VKORC1L1: variants seen among roughly 807,000 people sequenced by gnomAD.
VKORC1L1 encodes the protein vitamin K epoxide reductase complex subunit 1L1.
Under a neutral mutation model 18.9 loss-of-function variants are expected in VKORC1L1, and 2 were observed. The observed-to-expected ratio is 0.11, with a 90% CI of 0.04 to 0.33. The LOEUF (loss-of-function observed/expected upper bound fraction) is 0.33. Among genes scored for constraint, VKORC1L1 ranks in the 10% least tolerant of loss-of-function variants. The pLI, the probability that VKORC1L1 is intolerant of heterozygous loss-of-function variation, is 1.00. For missense variants in VKORC1L1, 123 were observed against 224.1 expected (o/e 0.55, Z 2.88); for synonymous variants, 96 against 100.0 (o/e 0.96, Z 0.24).
Position 65,954,491 on chromosome 7 carries a change from A to G in VKORC1L1, c.*191A>G. The G allele has an allele frequency of 1.2e-5, 12 of 985,792 alleles. No individual in the cohort carries two copies. Among genetic ancestry groups the G allele is most frequent in the Non-Finnish European group, 1.4e-5 (10 of 714,874 alleles). 61.1% of individuals were successfully genotyped at this position (985,792 alleles called of 1,614,324 possible). A position where few individuals can be genotyped will look rare whatever the true frequency, so the allele number is the denominator to read the frequency against. Reference sequence around the variant, plus strand: ...TTTTCTGTGTCAGTCTTCATTTTAAATATGGATACAAAAAGGATACGCCGA... The same window carrying G: ...TTTTCTGTGTCAGTCTTCATTTTAAGTATGGATACAAAAAGGATACGCCGA... On this transcript the variant is annotated 3_prime_UTR_variant, in exon 3 of 3. Coordinates refer to ENST00000360768, the MANE Select transcript of VKORC1L1 (RefSeq NM_173517.6).
At chr7:65,896,866 G>A (rs1789222702) in intron 1 of VKORC1L1, among the ~76,000 whole-genome samples, 1 of 152,054 alleles carries the variant, frequency 6.6e-6, no homozygotes, top group African/African-American at 2.4e-5. Flanking sequence ...AGGTGTAGTG[G>A]CACATGCCTG....
intron 1 of VKORC1L1, among the ~76,000 whole-genome samples, chr7:65,876,758 CT>C (rs1166586771): frequency 6.6e-6 from 1 of 152,106 alleles, no homozygotes; most frequent in Non-Finnish European, 1.5e-5. Context: ...TTAACACCTA[CT>C]TAGGGCCTGG....
intron 1 of VKORC1L1, among the ~76,000 whole-genome samples, chr7:65,902,892 G>A (rs978362112): frequency 5.9e-5 from 9 of 151,936 alleles, no homozygotes; most frequent in Admixed American, 5.2e-4. Flanking sequence ...TTGAGATGGA[G>A]TTTTGCTCTT....
chr7:65,897,783 T>C (rs952106099), intron 1 of VKORC1L1, among the ~76,000 whole-genome samples: 1 of 152,020 alleles, frequency 6.6e-6, no homozygotes, highest in African/African-American at 2.4e-5. Context: ...TGTACTGTTC[T>C]GAATGTATGC....
intron 1 of VKORC1L1, among the ~76,000 whole-genome samples, chr7:65,923,629 C>G (rs190066703): frequency 6.6e-6 from 1 of 152,142 alleles, no homozygotes; most frequent in East Asian, 1.9e-4. Context: ...AAACTCCTGA[C>G]AGCAAAAATG....
At chr7:65,895,478 AAAATATATATATATATATATAT>A (rs1484413514) in intron 1 of VKORC1L1, among the ~76,000 whole-genome samples, 31 of 35,046 alleles carry the variant, frequency 8.8e-4, no homozygotes, top group African/African-American at 4.6e-3. Flanking sequence ...AAAAAAAAAA[AAAATATATATATATATATATAT>A]ATATATATAT....
In VKORC1L1 at chr7:65,896,056, C is replaced by T. The variant is rs534456495; in HGVS notation, c.194+22491C>T. 1.6e-3 allele frequency among the ~76,000 whole-genome samples: 237 copies of T among 150,344 alleles called. 1 individual carries two copies. Among genetic ancestry groups the T allele is most frequent in the African/African-American group, 5.5e-3 (227 of 40,966 alleles). The stretch of plus-strand genomic sequence containing the variant: ...GATTACAGGTGCCCGCTACCACACT[C>T]GGCCAACTTTTTTTTTTTTTTTTTG... On this transcript the variant is annotated intron_variant, in intron 1 of 2. Transcript: ENST00000360768.
intron 1 of VKORC1L1, among the ~76,000 whole-genome samples, chr7:65,923,436 G>A (rs774299074): frequency 4.1e-4 from 63 of 152,050 alleles, no homozygotes; most frequent in Admixed American, 2.0e-4. Flanking sequence ...TAATTGGGGA[G>A]GAGAGAAAGA....
At chr7:65,886,884 C>CT (rs1789024327) in intron 1 of VKORC1L1, among the ~76,000 whole-genome samples, 2 of 110,508 alleles carry the variant, frequency 1.8e-5, no homozygotes, top group African/African-American at 6.8e-5. Context: ...GATTGTTACT[C>CT]TGTCGCCCAA....
intron 1 of VKORC1L1, among the ~76,000 whole-genome samples, chr7:65,937,148 G>C (rs1251894008): frequency 6.6e-6 from 1 of 152,140 alleles, no homozygotes; most frequent in Non-Finnish European, 1.5e-5. Flanking sequence ...TTTGCTGTCT[G>C]ACCCCTCACA....
At chr7:65,945,234 C>G (rs1469371094) in intron 1 of VKORC1L1, among the ~76,000 whole-genome samples, 1 of 151,728 alleles carries the variant, frequency 6.6e-6, no homozygotes. Flanking sequence ...ACACTCCAGC[C>G]TGGGCGACAG....
chr7:65,953,604 C>G (rs1387757431), intron 2 of VKORC1L1, among the ~76,000 whole-genome samples: 1 of 152,212 alleles, frequency 6.6e-6, no homozygotes, highest in Non-Finnish European at 1.5e-5. Context: ...AGCTATAAAA[C>G]TGGCATTTGG....
At chr7:65,909,203 C>T (rs1322213072) in intron 1 of VKORC1L1, among the ~76,000 whole-genome samples, 1 of 146,036 alleles carries the variant, frequency 6.8e-6, no homozygotes, top group East Asian at 2.1e-4. Flanking sequence ...AGGCTGGTCT[C>T]AAACTCCTCA....
chr7:65,882,415 CAAAA>C (rs34950335), intron 1 of VKORC1L1, among the ~76,000 whole-genome samples: 2 of 123,988 alleles, frequency 1.6e-5, no homozygotes, highest in Non-Finnish European at 3.4e-5. Flanking sequence ...AGTAAAAAAG[CAAAA>C]AAAAAAAAAA....
chr7:65,955,974 G>A lies in VKORC1L1; in HGVS notation c.*1674G>A, dbSNP rs535173399. 2.0e-5 allele frequency: 3 copies of A among 152,300 alleles called. No individual in the cohort carries two copies. The highest frequency in any genetic ancestry group is 2.4e-5 in the African/African-American group (1 of 41,562). 9.4% of individuals were successfully genotyped at this position (152,300 alleles called of 1,614,324 possible). ...TGATGCAACGTAGGTCTTCTGGCCC[G>A]AGGCAGGTATCAAGTCCAAATCATA... is the stretch of plus-strand genomic sequence containing the variant. On this transcript the variant is annotated 3_prime_UTR_variant, in exon 3 of 3. Coordinates refer to ENST00000360768, the MANE Select transcript of VKORC1L1 (RefSeq NM_173517.6).
intron 1 of VKORC1L1, among the ~76,000 whole-genome samples, chr7:65,929,968 A>G (rs891827899): frequency 8.5e-5 from 13 of 152,066 alleles, no homozygotes; most frequent in African/African-American, 3.1e-4. Flanking sequence ...TATCAGTTTT[A>G]TAATTTTCAG....
intron 1 of VKORC1L1, among the ~76,000 whole-genome samples, chr7:65,885,048 G>A (rs537252244): frequency 1.3e-5 from 2 of 152,190 alleles, no homozygotes; most frequent in Admixed American, 1.3e-4. Context: ...GTTCAGACAG[G>A]CATTTCCCAT....
At chr7:65,914,091 C>G (rs1789547953) in intron 1 of VKORC1L1, among the ~76,000 whole-genome samples, 1 of 152,064 alleles carries the variant, frequency 6.6e-6, no homozygotes, top group African/African-American at 2.4e-5. Flanking sequence ...AATATAGAGA[C>G]AGTAAATCTT....
chr7:65,932,553 TTTG>T (rs1361267295), intron 1 of VKORC1L1, among the ~76,000 whole-genome samples: 1 of 152,256 alleles, frequency 6.6e-6, no homozygotes, highest in Non-Finnish European at 1.5e-5. Flanking sequence ...CAGTTCAAAA[TTTG>T]TTATTTCCTT....
Sources: allele counts gnomAD v4.1 joint callset (sites outside exome capture counted in the v4.1 genomes callset), GRCh38; gene constraint gnomAD v4.1.1; transcripts MANE v1.5; gene names NCBI Gene and HGNC (gene_info 2026-07-23, HGNC 2026-07-21).